Variants in GNAI2 observed in about 807,000 individuals in gnomAD.
The protein encoded by GNAI2 is guanine nucleotide-binding protein G(i) subunit alpha-2.
Under a neutral mutation model 36.8 loss-of-function variants are expected in GNAI2, and 4 were observed. The ratio of observed to expected loss-of-function variants is 0.11; its 90% CI spans 0.05 to 0.25. GNAI2 has a LOEUF of 0.25. Among genes scored for constraint, GNAI2 ranks in the 10% least tolerant of loss-of-function variants. The pLI is 1.00. For missense variants in GNAI2, 230 were observed against 481.3 expected, an observed-to-expected ratio of 0.48 and a Z score of 4.89; for synonymous variants, 194 against 194.1, an observed-to-expected ratio of 1.00 and a Z score of 0.01.
intron 8 of GNAI2, 78 bp downstream of exon 8, chr3:50,257,792 G>T: frequency 1.5e-6 from 1 of 651,638 alleles, no homozygotes; most frequent in Admixed American, 3.3e-5. Context: ...TTCTGGGGGT[G>T]GGTAGGGGGG....
chr3:50,246,695 C>G (rs2109199266), intron 1 of GNAI2, among the ~76,000 whole-genome samples: 1 of 152,366 alleles, frequency 6.6e-6, no homozygotes, highest in South Asian at 2.1e-4. Flanking sequence ...GGCTGCTCTT[C>G]CTGGCCCCAC....
chr3:50,257,872 G>A, intron 8 of GNAI2, 158 bp downstream of exon 8: 1 of 551,298 alleles, frequency 1.8e-6, no homozygotes, highest in East Asian at 3.0e-5. Flanking sequence ...GTGTGAATCA[G>A]GAGGTCAAGT....
chr3:50,253,665 A>G lies in GNAI2; in HGVS notation c.464+481A>G, dbSNP rs967956202. Among the ~76,000 whole-genome samples, 5 of 152,144 alleles carry G rather than the reference A, an allele frequency of 3.3e-5. No individual in the cohort carries two copies. Among genetic ancestry groups the G allele is most frequent in the Admixed American group, 2.0e-4 (3 of 15,274 alleles). Reference sequence around the variant, plus strand: ...AGGCTGAGGCAGGAGAATGGCGTGAACCTGGGAGGTGGAGCTTGCAGTGAG... The same window carrying G: ...AGGCTGAGGCAGGAGAATGGCGTGAGCCTGGGAGGTGGAGCTTGCAGTGAG... On this transcript the variant is annotated intron_variant, in intron 4 of 8. Transcript: ENST00000313601. The surrounding 1 kb of genome is among the most constrained non-coding windows in gnomAD (Gnocchi z 4.2).
intron 1 of GNAI2, among the ~76,000 whole-genome samples, chr3:50,249,386 G>T (rs1700499096): frequency 6.6e-6 from 1 of 152,184 alleles, no homozygotes; most frequent in Non-Finnish European, 1.5e-5. Flanking sequence ...TCGCTGTGAG[G>T]CTTTCCTGGG....
At chr3:50,237,512 C>G (rs1700203058) in intron 1 of GNAI2, among the ~76,000 whole-genome samples, 1 of 152,194 alleles carries the variant, frequency 6.6e-6, no homozygotes, top group African/African-American at 2.4e-5. Context: ...GCTGCCCACA[C>G]CCCTTCTGGG....
chr3:50,240,911 T>G (rs1700283754), intron 1 of GNAI2, among the ~76,000 whole-genome samples: 1 of 118,026 alleles, frequency 8.5e-6, no homozygotes, highest in Non-Finnish European at 1.7e-5. Context: ...AGAGCAAGAC[T>G]CTGTCTCAAA....
chr3:50,227,231 G>C, upstream of GNAI2: 1 of 1,296,578 alleles, frequency 7.7e-7, no homozygotes, highest in Admixed American at 3.4e-5. This position sits in a 1 kb window ranked among gnomAD's most constrained non-coding sequence, Gnocchi z 5.9. Flanking sequence ...AGACCCTGGC[G>C]AGGTGGGGCC....
rs188147093 is a variant in GNAI2, at chr3:50,245,749, G to T, written c.119-6351G>T. 2.0e-3 allele frequency among the ~76,000 whole-genome samples: 307 copies of T among 152,350 alleles called. 4 individuals carry two copies. The highest frequency in any genetic ancestry group is 6.6e-3 in the African/African-American group (274 of 41,582). The stretch of plus-strand genomic sequence containing the variant: ...GAGTTTCCCTCTGTGCAGTGGAAAG[G>T]GCCCCACTGAGGGAGACACACCTTG... On this transcript the variant is annotated intron_variant, in intron 1 of 8. Transcript: ENST00000313601.
upstream of GNAI2, among the ~76,000 whole-genome samples, chr3:50,232,220 C>T (rs1553699849): frequency 6.6e-6 from 1 of 152,132 alleles, no homozygotes; most frequent in Non-Finnish European, 1.5e-5. Flanking sequence ...ATCCCAGCTA[C>T]TTGGGGAGCT....
In GNAI2 at chr3:50,241,671, G is replaced by A. The variant is rs191065605; in HGVS notation, c.118+5218G>A. The stretch of plus-strand genomic sequence containing the variant: ...TGTGAGGACAGAGAGAATGAGCCGC[G>A]CTGCTGTGGCAGGAGGTGGAAGTCA... On this transcript the variant is annotated intron_variant, in intron 1 of 8. Transcript: ENST00000313601. This position sits in a 1 kb window ranked among gnomAD's most constrained non-coding sequence, Gnocchi z 5.0. 2.0e-5 allele frequency among the ~76,000 whole-genome samples: 3 copies of A among 152,326 alleles called. No homozygotes were observed. The East Asian group carries it at 5.8e-4, about 29-fold the overall frequency.
intron 1 of GNAI2, among the ~76,000 whole-genome samples, chr3:50,245,617 C>T (rs1700398133): frequency 6.6e-6 from 1 of 152,242 alleles, no homozygotes; most frequent in Non-Finnish European, 1.5e-5. Context: ...GCGTCTTGTC[C>T]AGCACCTCCT....
Position 50,257,069 on chromosome 3 carries a change from A to G in GNAI2, c.856A>G (p.Ile286Val). The G allele has an allele frequency of 6.2e-7, 1 of 1,614,066 alleles. No individual in the cohort carries two copies. Among genetic ancestry groups the G allele is most frequent in the Non-Finnish European group, 8.5e-7 (1 of 1,179,930 alleles). ...EEKITHSPLT[I>V]CFPEYTGANK... ...GAAGATCACACACAGTCCCCTGACC[A>G]TCTGCTTCCCTGAGTACACAGGTGT... The change falls in exon 7 of 9, where the codon ATC becomes GTC. Residue 286 changes from isoleucine (I) to valine (V), a missense_variant. Physicochemically the swap from Ile to Val is conservative, Grantham distance 29. Coordinates refer to ENST00000313601, the MANE Select transcript of GNAI2 (RefSeq NM_002070.4).
intron 1 of GNAI2, among the ~76,000 whole-genome samples, chr3:50,248,834 G>A (rs1406106967): frequency 1.3e-5 from 2 of 152,066 alleles, no homozygotes; most frequent in Non-Finnish European, 2.9e-5. Context: ...AGGGAAGTGG[G>A]CCCTCCCTGG....
Position 50,241,973 on chromosome 3 carries a change from T to C in GNAI2, c.118+5520T>C, listed in dbSNP as rs1700309078. On this transcript the variant is annotated intron_variant, in intron 1 of 8. Transcript: ENST00000313601. This position sits in a 1 kb window ranked among gnomAD's most constrained non-coding sequence, Gnocchi z 5.0. ...TGTGGTCAGGTCCCAGCAAGGTCCC[T>C]AGGCCTCCAGCACTGCAGGGGGTGG... is the stretch of plus-strand genomic sequence containing the variant. Among the ~76,000 whole-genome samples, 1 of 152,106 alleles carries C rather than the reference T, an allele frequency of 6.6e-6. No individual in the cohort carries two copies.
At chr3:50,232,151 A>G (rs1326623529), upstream of GNAI2, among the ~76,000 whole-genome samples, 1 of 152,062 alleles carries the variant, frequency 6.6e-6, no homozygotes, top group African/African-American at 2.4e-5. Flanking sequence ...CCAACATGGC[A>G]AAACCCCATC....
rs1700293284 is a variant in GNAI2 at position 50,241,281 on chromosome 3, A to C, written c.118+4828A>C. Among the ~76,000 whole-genome samples the C allele has an allele frequency of 6.6e-6, 1 of 152,174 alleles. No homozygotes were observed. Among genetic ancestry groups the C allele is most frequent in the Non-Finnish European group, 1.5e-5 (1 of 68,004 alleles). On this transcript the variant is annotated intron_variant, in intron 1 of 8. Coordinates refer to ENST00000313601, the MANE Select transcript of GNAI2 (RefSeq NM_002070.4). The surrounding 1 kb of genome is among the most constrained non-coding windows in gnomAD (Gnocchi z 5.0). ...CACTGCTGGAGCTCATTAGCACTTG[A>C]ATGGGGGGCGGGGCGGCTTGGGCCT...
In GNAI2 at chr3:50,252,081, C is replaced by A. The variant is rs782665163; in HGVS notation, c.119-19C>A. 5 of 1,612,930 alleles carry A rather than the reference C, an allele frequency of 3.1e-6. No homozygotes were observed. The Admixed American group carries it at 8.3e-5, about 27-fold the overall frequency. On this transcript the variant is annotated intron_variant, in intron 1 of 8. Coordinates refer to ENST00000313601, the MANE Select transcript of GNAI2 (RefSeq NM_002070.4). The surrounding 1 kb of genome is among the most constrained non-coding windows in gnomAD (Gnocchi z 4.1). ...CCCCTCTGGGCCTGCCCCCTGACCA[C>A]CTGTGCCCTCTGTTCCAGGTGCTGG...
chr3:50,229,707 C>T, upstream of GNAI2: 1 of 152,414 alleles, frequency 6.6e-6, no homozygotes, highest in East Asian at 1.9e-4. Context: ...TGGCTTGTTA[C>T]AAGACTGGTC....
In GNAI2 at chr3:50,253,432, C is replaced by T. The variant is rs587630184; in HGVS notation, c.464+248C>T. 1.3e-5 allele frequency among the ~76,000 whole-genome samples: 2 copies of T among 152,300 alleles called. No homozygotes were observed. The highest frequency in any genetic ancestry group is 6.5e-5 in the Admixed American group (1 of 15,292). ...CTCTTCCAGGCCAGTTGAGTCTGAT[C>T]TGTCTTGACAGTCTTCTAAAGAACA... On this transcript the variant is annotated intron_variant, in intron 4 of 8. Transcript: ENST00000313601. This position sits in a 1 kb window ranked among gnomAD's most constrained non-coding sequence, Gnocchi z 4.2.
Sources: gnomAD v4.1 joint callset for allele counts (sites outside exome capture counted in the v4.1 genomes callset) on GRCh38, gnomAD v4.1.1 for gene constraint, Gnocchi (gnomAD v3.1) non-coding constraint, MANE v1.5 for transcripts, NCBI Gene and HGNC (gene_info 2026-07-23, HGNC 2026-07-21) for gene names.